ERI2: variants seen among roughly 807,000 people sequenced by gnomAD.
The protein encoded by ERI2 is ERI1 exoribonuclease 2.
In ERI2, 35 loss-of-function variants were observed where a neutral mutation model predicts 46.8. The observed-to-expected ratio is 0.75, with a 90% CI of 0.57 to 0.99. The LOEUF (loss-of-function observed/expected upper bound fraction) is 0.99, where lower values mean the gene tolerates loss of function less well. Ranked by LOEUF, ERI2 falls within the 50% of genes least tolerant of loss-of-function variation. The pLI is 0.00. For synonymous variants in ERI2, 224 were observed against 271.0 expected, an observed-to-expected ratio of 0.83 and a Z score of 1.70; for missense variants, 695 against 796.2, an observed-to-expected ratio of 0.87 and a Z score of 1.53.
intron 4 of ERI2, 115 bp from the exon 5 acceptor site, chr16:20,801,474 A>C (rs2080794787): frequency 1.7e-6 from 2 of 1,163,216 alleles, no homozygotes; most frequent in Non-Finnish European, 2.4e-6. Flanking sequence ...ATGCCAAGTC[A>C]TGAAAACACA....
In ERI2 at chr16:20,790,639, G is replaced by T; in HGVS notation, c.815+211C>A. 1 of 1,614,068 alleles carries T rather than the reference G, an allele frequency of 6.2e-7. No individual in the cohort carries two copies. The highest frequency in any genetic ancestry group is 8.5e-7 in the Non-Finnish European group (1 of 1,179,982). On this transcript the variant is annotated intron_variant, in intron 9 of 10. Coordinates refer to the ERI2 transcript ENST00000300005. The surrounding 1 kb of genome is among the most constrained non-coding windows in gnomAD (Gnocchi z 4.0). ...CCTCCTGGACAAGAAGGAGATATTGGCATTCAAGTTCTACCCAACCGACCA... is the reference window on the plus strand; with the variant it reads ...CCTCCTGGACAAGAAGGAGATATTGTCATTCAAGTTCTACCCAACCGACCA...
chr16:20,781,115 G>T (rs757135564), intron 10 of ERI2: 2 of 1,613,852 alleles, frequency 1.2e-6, no homozygotes, highest in South Asian at 1.1e-5. Flanking sequence ...GTTTTGAGCC[G>T]ACTTCTATCT....
intron 1 of ERI2, chr16:20,805,970 C>A (rs1351015204): frequency 1.9e-6 from 2 of 1,041,190 alleles, no homozygotes; most frequent in Non-Finnish European, 2.3e-6. Flanking sequence ...AATGGCCTTA[C>A]TAAATAAATT....
chr16:20,798,616 A>G lies in ERI2; in HGVS notation c.1184T>C (p.Met395Thr), dbSNP rs1390058177. Residue 395 changes from methionine to threonine, a missense_variant, in exon 9 of 9, where the codon ATG (methionine) becomes ACG (threonine). Transcript: ENST00000357967. The part of the protein sequence containing the change: ...PTVHHVSDLE[M>T]SSTLDCLPVL... The stretch of plus-strand genomic sequence containing the variant: ...AGGTAAACAGTCCAGAGTAGAGCTC[A>G]TTTCCAAATCAGAAACATGATGAAC... 1 of 1,551,622 alleles carries G rather than the reference A, an allele frequency of 6.4e-7. No individual in the cohort carries two copies. Among genetic ancestry groups the G allele is most frequent in the South Asian group, 1.2e-5 (1 of 84,058 alleles).
intron 10 of ERI2, chr16:20,781,781 T>C (rs2080358723): frequency 6.2e-7 from 1 of 1,605,532 alleles, no homozygotes; most frequent in Non-Finnish European, 8.5e-7. Context: ...CAGAATGATA[T>C]AACCAGGTAA....
Position 20,786,088 on chromosome 16 carries a change from G to A in ERI2, c.894+3391C>T, listed in dbSNP as rs759253257. The A allele has an allele frequency of 5.7e-6, 9 of 1,592,540 alleles. No homozygotes were observed. In the Admixed American group the frequency reaches 9.0e-5, roughly 16 times the overall value. On this transcript the variant is annotated intron_variant, in intron 10 of 10. Coordinates refer to the ERI2 transcript ENST00000300005. ...CTTCTTCTTAACTAGGTGCTAATCTGTGGAAATTTTAAGGGAATGAAAATT... is the reference window on the plus strand; with the variant it reads ...CTTCTTCTTAACTAGGTGCTAATCTATGGAAATTTTAAGGGAATGAAAATT...
In ERI2 at chr16:20,803,663, CA is replaced by C; in HGVS notation, c.30del (p.Gly11AspfsTer2). MATKRLARQLGLIRRKSIAP... is the reference protein window; with the variant it reads MATKRLARQXGLIRRKSIAP... ...GCAATTGACTTTCTCCTAATTAATC[CA>C]AGCTGCCTAAAAATGTGAAGCAATC... On this transcript the variant is annotated frameshift_variant, in exon 2 of 9. Coordinates refer to ENST00000357967, the MANE Select transcript of ERI2 (RefSeq NM_001142725.2). LOFTEE classifies it high-confidence loss of function. 1 of 1,613,852 alleles carries C rather than the reference CA, an allele frequency of 6.2e-7. No homozygotes were observed. Among genetic ancestry groups the C allele is most frequent in the South Asian group, 1.1e-5 (1 of 91,016 alleles).
downstream of ERI2, among the ~76,000 whole-genome samples, chr16:20,791,718 G>A (rs1343096051): frequency 1.3e-5 from 2 of 152,126 alleles, no homozygotes; most frequent in Admixed American, 6.5e-5. Flanking sequence ...CTTGAGGTAA[G>A]GAGCTCGACA....
chr16:20,785,944 T>G, intron 10 of ERI2: 9 of 539,848 alleles, frequency 1.7e-5, no homozygotes, highest in Non-Finnish European at 2.9e-5. Context: ...CTACATTCCA[T>G]GAGAGTATAG....
chr16:20,798,266 C>T lies in ERI2; in HGVS notation c.1534G>A (p.Val512Ile), dbSNP rs150284099. The change falls in exon 9 of 9, where the codon GTT (valine) becomes ATT (isoleucine). Residue 512 changes from valine to isoleucine, a missense_variant. Transcript: ENST00000357967. The part of the protein sequence containing the change: ...PEHKSSTFNR[V>I]NANMSHPLVL... ...AAAGGATGAGACATATTGGCATTAA[C>T]TCTGTTGAAGGTACTTGATTTGTGT... The T allele has an allele frequency of 2.5e-4, 387 of 1,551,568 alleles. 2 individuals are homozygous for T. In the African/African-American group the frequency reaches 4.8e-3, roughly 19 times the overall value.
At position 20,797,365 on chromosome 16, in the gene ERI2, A is replaced by G. The variant is rs770794992; in HGVS notation, c.*359T>C. On this transcript the variant is annotated 3_prime_UTR_variant, in exon 9 of 9. Coordinates refer to ENST00000357967, the MANE Select transcript of ERI2 (RefSeq NM_001142725.2). ...CTGAAATAAAACTAAAGAACTTATA[A>G]AAGTTTTTAGAAAAATATAAAATAT... The G allele has an allele frequency of 1.1e-4, 113 of 993,228 alleles. No individual in the cohort carries two copies. The highest frequency in any genetic ancestry group is 1.4e-4 in the Non-Finnish European group (113 of 832,246). 61.5% of individuals were successfully genotyped at this position (993,228 alleles called of 1,614,324 possible). A position where few individuals can be genotyped will look rare whatever the true frequency, so the allele number is the denominator to read the frequency against.
exon 10 of ERI2, chr16:20,789,540 G>A (rs1305507456): frequency 1.2e-6 from 2 of 1,612,784 alleles, no homozygotes; most frequent in Middle Eastern, 1.6e-4. Flanking sequence ...CTGAAGTAAG[G>A]TTCTGTAGGT....
At chr16:20,786,306 G>T (rs2080474342) in intron 10 of ERI2, 2 of 1,377,114 alleles carry the variant, frequency 1.5e-6, no homozygotes, top group African/African-American at 1.5e-5. Context: ...ATGTGAAAAT[G>T]ATTAGAAATG....
intron 10 of ERI2, among the ~76,000 whole-genome samples, chr16:20,787,322 T>C (rs1263610670): frequency 6.6e-6 from 1 of 152,180 alleles, no homozygotes; most frequent in African/African-American, 2.4e-5. Context: ...TTTTCACCCA[T>C]TGTAAAGTTG....
chr16:20,800,256 T>C (rs746586497), intron 6 of ERI2, 46 bp downstream of exon 6: 1 of 1,342,944 alleles, frequency 7.4e-7, no homozygotes, highest in Non-Finnish European at 1.1e-6. Context: ...AAGTTAATCA[T>C]TTTTCCATAG....
chr16:20,799,595 AGTTCCCC>A (rs1405043861), intron 7 of ERI2: 34 of 500,814 alleles, frequency 6.8e-5, no homozygotes, highest in Non-Finnish European at 1.4e-5. Context: ...TGTATTAGAC[AGTTCCCC>A]AAAATGTGGC....
downstream of ERI2, among the ~76,000 whole-genome samples, chr16:20,795,641 CA>C (rs1228739329): frequency 6.6e-6 from 1 of 152,210 alleles, no homozygotes; most frequent in Non-Finnish European, 1.5e-5. Flanking sequence ...ACTGTGCCTA[CA>C]GGGAAGCATC....
At chr16:20,793,678 C>G (rs905777225), downstream of ERI2, among the ~76,000 whole-genome samples, 9 of 152,290 alleles carry the variant, frequency 5.9e-5, no homozygotes, top group African/African-American at 2.2e-4. Flanking sequence ...GCTAGGATGA[C>G]AATCGCTATT....
exon 11 of ERI2, chr16:20,780,478 A>C (rs1355626171): frequency 6.7e-6 from 5 of 746,904 alleles, no homozygotes; most frequent in Non-Finnish European, 1.1e-5. Flanking sequence ...TAGAATAAAA[A>C]GCTAGGAAAG....
Sources: allele counts gnomAD v4.1 joint callset (sites outside exome capture counted in the v4.1 genomes callset), GRCh38; gene constraint gnomAD v4.1.1; non-coding constraint Gnocchi (gnomAD v3.1); transcripts MANE v1.5; gene names NCBI Gene and HGNC (gene_info 2026-07-23, HGNC 2026-07-21).